The following TAFA5 variants were observed in gnomAD, a reference collection of about 807,000 sequenced individuals.
TAFA5 encodes TAFA chemokine like family member 5.
TAFA5 carries 6 observed loss-of-function variants against 15.3 expected under a neutral mutation model. The ratio of observed to expected loss-of-function variants is 0.39; its 90% CI spans 0.21 to 0.77. TAFA5 has a LOEUF of 0.77. TAFA5 is among the 30% of genes least tolerant of loss of function. The pLI is 0.41. For missense variants in TAFA5, 161 were observed against 193.1 expected, an observed-to-expected ratio of 0.83 and a Z score of 0.98; for synonymous variants, 103 against 80.7, an observed-to-expected ratio of 1.28 and a Z score of -1.48.
intron 1 of TAFA5, among the ~76,000 whole-genome samples, chr22:48,620,098 C>T (rs972638389): frequency 6.6e-6 from 1 of 152,218 alleles, no homozygotes; most frequent in Admixed American, 6.5e-5. Flanking sequence ...GGACCCGGGG[C>T]CCTGCTTCTC....
intron 1 of TAFA5, among the ~76,000 whole-genome samples, chr22:48,626,162 G>A (rs775629481): frequency 9.9e-5 from 15 of 152,192 alleles, no homozygotes; most frequent in Non-Finnish European, 1.9e-4. Flanking sequence ...ACATTCACAC[G>A]CAGCTTTCTG....
In TAFA5 at chr22:48,561,471, C is replaced by T. The variant is rs16999460; in HGVS notation, c.112+71767C>T. Among the ~76,000 whole-genome samples the T allele has an allele frequency of 8.0e-3, 1,212 of 152,224 alleles. 68 individuals carry two copies. The East Asian group carries it at 0.16, about 21-fold the overall frequency. On this transcript the variant is annotated intron_variant, in intron 1 of 3. Coordinates refer to ENST00000402357, the MANE Select transcript of TAFA5 (RefSeq NM_001082967.3). ...AGGGGCTGTGTTTCCAGCCTCGTTT[C>T]GTGGATGAAAAATCACCCACACTTC...
intron 1 of TAFA5, among the ~76,000 whole-genome samples, chr22:48,562,720 G>T (rs1179906651): frequency 6.6e-6 from 1 of 152,218 alleles, no homozygotes; most frequent in Non-Finnish European, 1.5e-5. Context: ...AGATGGGACA[G>T]CCAGGCCCCC....
chr22:48,590,528 A>G (rs1254459486), intron 1 of TAFA5, among the ~76,000 whole-genome samples: 2 of 152,092 alleles, frequency 1.3e-5, no homozygotes, highest in Non-Finnish European at 2.9e-5. Context: ...AGCCCGGGAG[A>G]CACTGTTGTG....
intron 3 of TAFA5, among the ~76,000 whole-genome samples, chr22:48,722,466 C>T (rs1929597666): frequency 6.6e-6 from 1 of 151,832 alleles, no homozygotes; most frequent in Admixed American, 6.6e-5. Context: ...AACAGAAAAC[C>T]AAACACCGCG....
chr22:48,516,203 C>T (rs1044506447), intron 1 of TAFA5, among the ~76,000 whole-genome samples: 2 of 152,160 alleles, frequency 1.3e-5, no homozygotes, highest in South Asian at 2.1e-4. Flanking sequence ...CACGTGGAGG[C>T]GCCGAGACAT....
chr22:48,591,072 G>A (rs567186981), intron 1 of TAFA5, among the ~76,000 whole-genome samples: 1 of 152,264 alleles, frequency 6.6e-6, no homozygotes, highest in African/African-American at 2.4e-5. Context: ...GGTTGGTCTT[G>A]AACTCCTGAC....
intron 1 of TAFA5, among the ~76,000 whole-genome samples, chr22:48,582,939 A>T (rs1048276387): frequency 2.8e-5 from 4 of 145,432 alleles, no homozygotes; most frequent in Non-Finnish European, 6.1e-5. Context: ...CACACGAAAT[A>T]CACCACATGC....
chr22:48,709,199 C>A (rs1312949468), intron 3 of TAFA5, among the ~76,000 whole-genome samples: 2 of 152,052 alleles, frequency 1.3e-5, no homozygotes, highest in African/African-American at 4.8e-5. Context: ...ACGGCGCCAC[C>A]CCGAGGCATG....
At chr22:48,720,138 G>T (rs143579915) in intron 3 of TAFA5, among the ~76,000 whole-genome samples, 3 of 152,190 alleles carry the variant, frequency 2.0e-5, no homozygotes, top group Admixed American at 6.5e-5. Flanking sequence ...GGGGTCTGTC[G>T]CGAAACCCAG....
rs1601717791 is a variant in TAFA5 at position 48,751,738 on chromosome 22, C to T, written c.*1891C>T. The T allele has an allele frequency of 2.6e-5, 4 of 152,428 alleles. No homozygotes were observed. The highest frequency in any genetic ancestry group is 6.5e-5 in the Admixed American group (1 of 15,288). 9.4% of individuals were successfully genotyped at this position (152,428 alleles called of 1,614,324 possible). ...CTGCCCCGGCTCCGGCGGCCCGGGC[C>T]GGCAGCCTCTGCCAGCCAGCGTCCT... On this transcript the variant is annotated 3_prime_UTR_variant, in exon 4 of 4. Coordinates refer to ENST00000402357, the MANE Select transcript of TAFA5 (RefSeq NM_001082967.3).
At chr22:48,678,551 A>G (rs1050577054) in intron 2 of TAFA5, among the ~76,000 whole-genome samples, 2 of 145,074 alleles carry the variant, frequency 1.4e-5, no homozygotes, top group Admixed American at 1.4e-4. Context: ...TGGAGCAGGA[A>G]GAGGTCGGGG....
intron 2 of TAFA5, among the ~76,000 whole-genome samples, chr22:48,655,543 A>G (rs9617481): frequency 0.65 from 98,540 of 152,014 alleles, 32,699 homozygotes; most frequent in South Asian, 0.77. Context: ...CCCGCAGTCA[A>G]GTCCTTTTAC....
intron 1 of TAFA5, among the ~76,000 whole-genome samples, chr22:48,584,368 CAG>C (rs1458890968): frequency 1.3e-5 from 2 of 149,908 alleles, no homozygotes; most frequent in African/African-American, 4.9e-5. Context: ...GCACCACACA[CAG>C]TACACACCAC....
intron 1 of TAFA5, 47 bp from the exon 2 acceptor site, chr22:48,646,550 G>T (rs1456538051): frequency 1.3e-6 from 2 of 1,596,694 alleles, no homozygotes; most frequent in Non-Finnish European, 1.7e-6. Context: ...TGGCTGTGGG[G>T]TGTCTGTAAC....
chr22:48,749,127 G>A (rs1004825311), intron 3 of TAFA5, among the ~76,000 whole-genome samples: 1 of 152,206 alleles, frequency 6.6e-6, no homozygotes, highest in Non-Finnish European at 1.5e-5. Context: ...AGATCAGGAC[G>A]ATGCGTCTCC....
chr22:48,598,755 C>G lies in TAFA5; in HGVS notation c.113-47842C>G, dbSNP rs1026721034. On this transcript the variant is annotated intron_variant, in intron 1 of 3. Transcript: ENST00000402357. This position sits in a 1 kb window ranked among gnomAD's most constrained non-coding sequence, Gnocchi z 4.0. ...TCCCCAGAGTTAGCTGAGACCCCAC[C>G]GAGGAAGGGCTCGGTCCCACAAGAC... 6.6e-6 allele frequency among the ~76,000 whole-genome samples: 1 copy of G among 152,164 alleles called. No individual in the cohort carries two copies. Among genetic ancestry groups the G allele is most frequent in the Admixed American group, 6.5e-5 (1 of 15,274 alleles).
chr22:48,741,655 C>G (rs924179385), intron 3 of TAFA5, among the ~76,000 whole-genome samples: 8 of 151,972 alleles, frequency 5.3e-5, no homozygotes, highest in African/African-American at 1.9e-4. Context: ...GAGGTGAGGA[C>G]ACAGACACAC....
intron 1 of TAFA5, among the ~76,000 whole-genome samples, chr22:48,618,127 C>T (rs541093612): frequency 6.6e-6 from 1 of 152,308 alleles, no homozygotes; most frequent in Non-Finnish European, 1.5e-5. Context: ...GTTGTTTCTG[C>T]ACTCTTTCAG....
Sources: allele counts gnomAD v4.1 joint callset (sites outside exome capture counted in the v4.1 genomes callset), GRCh38; gene constraint gnomAD v4.1.1; non-coding constraint Gnocchi (gnomAD v3.1); transcripts MANE v1.5; gene names NCBI Gene and HGNC (gene_info 2026-07-23, HGNC 2026-07-21).